UBE2S: variants seen among roughly 807,000 people sequenced by gnomAD.
UBE2S encodes ubiquitin-conjugating enzyme E2 S.
A neutral mutation model predicts 12.3 loss-of-function variants in UBE2S; 3 were observed. That is an observed-to-expected ratio of 0.24 (90% CI 0.11 to 0.63). UBE2S has a LOEUF of 0.63. Ranked by LOEUF, UBE2S falls within the 30% of genes least tolerant of loss-of-function variation. The pLI, the probability that UBE2S is intolerant of heterozygous loss-of-function variation, is 0.85. For missense variants in UBE2S, 211 were observed against 313.9 expected (o/e 0.67, Z 2.48); for synonymous variants, 133 against 142.0 (o/e 0.94, Z 0.45).
At chr19:55,402,062 C>T (rs971952918) in intron 3 of UBE2S, among the ~76,000 whole-genome samples, 12 of 152,200 alleles carry the variant, frequency 7.9e-5, no homozygotes, top group African/African-American at 2.7e-4. Flanking sequence ...GCCAAGGCCC[C>T]CTCTCAGGAG....
intron 2 of UBE2S, among the ~76,000 whole-genome samples, chr19:55,405,281 G>A (rs1449327654): frequency 3.3e-5 from 5 of 150,830 alleles, no homozygotes; most frequent in South Asian, 2.1e-4. Context: ...AGGCTGAGGC[G>A]GGCGGATCAC....
chr19:55,403,126 T>A (rs764464739), intron 3 of UBE2S: 5 of 803,010 alleles, frequency 6.2e-6, no homozygotes, highest in Non-Finnish European at 1.0e-5. Context: ...CACCCCCGAG[T>A]TGTGACAACC....
chr19:55,401,766 T>C lies in UBE2S; in HGVS notation c.343-4A>G. 1 of 1,613,030 alleles carries C rather than the reference T, an allele frequency of 6.2e-7. No individual in the cohort carries two copies. The highest frequency in any genetic ancestry group is 8.5e-7 in the Non-Finnish European group (1 of 1,179,998). ...GGATCAGCAGGCACTTGATGGTCTG[T>C]GGGAAGAGGCTCAGGGTCACAGTGG... is the stretch of plus-strand genomic sequence containing the variant. On this transcript the variant is annotated splice_region_variant and splice_polypyrimidine_tract_variant and intron_variant, in intron 3 of 3. Coordinates refer to ENST00000264552, the MANE Select transcript of UBE2S (RefSeq NM_014501.3).
intron 1 of UBE2S, among the ~76,000 whole-genome samples, chr19:55,407,237 G>C (rs2090102678): frequency 9.3e-6 from 1 of 107,468 alleles, no homozygotes; most frequent in African/African-American, 3.6e-5. Context: ...TTGGTCCCCA[G>C]TGGTTCCACG....
chr19:55,406,675 G>A, intron 2 of UBE2S, 140 bp downstream of exon 2: 1 of 993,330 alleles, frequency 1.0e-6, no homozygotes, highest in Non-Finnish European at 1.4e-6. Flanking sequence ...GTCATTTGTG[G>A]CGTCCTGCCC....
chr19:55,405,016 G>A (rs937044597), intron 2 of UBE2S, among the ~76,000 whole-genome samples: 1 of 151,324 alleles, frequency 6.6e-6, no homozygotes, highest in African/African-American at 2.4e-5. Flanking sequence ...TTCAAGACCA[G>A]CCAGACCAAC....
chr19:55,406,985 G>C, intron 1 of UBE2S, 23 bp from the exon 2 acceptor site: 1 of 1,610,902 alleles, frequency 6.2e-7, no homozygotes, highest in Non-Finnish European at 8.5e-7. Flanking sequence ...GGGAGAGCAG[G>C]GTGAGCGAGT....
rs1452269907 is a variant in UBE2S, at chr19:55,406,941, G to A, written c.25C>T (p.Pro9Ser). 1.2e-6 allele frequency: 2 copies of A among 1,613,866 alleles called. No individual in the cohort carries two copies. Among genetic ancestry groups the A allele is most frequent in the Non-Finnish European group, 1.7e-6 (2 of 1,179,860 alleles). The part of the protein sequence containing the change: MNSNVENL[P>S]PHIIRLVYKE... ...TACACCAGGCGGATGATGTGCGGGG[G>A]TAGGTTCTCCACGTTGGAGTTCTGG... Residue 9 changes from proline (P) to serine (S), a missense_variant, in exon 2 of 4, where the codon CCC becomes TCC. Pro to Ser is a moderately conservative substitution (Grantham distance 74). Coordinates refer to ENST00000264552, the MANE Select transcript of UBE2S (RefSeq NM_014501.3).
At chr19:55,405,646 C>T (rs2090092348) in intron 2 of UBE2S, among the ~76,000 whole-genome samples, 1 of 152,290 alleles carries the variant, frequency 6.6e-6, no homozygotes, top group Middle Eastern at 3.4e-3. Context: ...TCCTGGATCC[C>T]CCGTCTCAGC....
At chr19:55,401,907 C>T in intron 3 of UBE2S, 145 bp from the exon 4 acceptor site, 1 of 680,494 alleles carries the variant, frequency 1.5e-6, no homozygotes, top group Non-Finnish European at 2.1e-6. Flanking sequence ...TGCATCCTCC[C>T]TCATCTTTGC....
rs1314330398 is a variant in UBE2S at position 55,400,157 on chromosome 19, C to T, written c.*1279G>A. The stretch of plus-strand genomic sequence containing the variant: ...AGCAGCCTTTGAGTTTTCCACTCTC[C>T]TATGGGTCAGAACTTGTAGATTTTT... On this transcript the variant is annotated 3_prime_UTR_variant, in exon 4 of 4. Transcript: ENST00000264552. The T allele has an allele frequency of 6.6e-6, 1 of 152,142 alleles. No individual in the cohort carries two copies. The highest frequency in any genetic ancestry group is 2.4e-5 in the African/African-American group (1 of 41,412). The allele number at this position is 152,142 out of a possible 1,614,324, so 9.4% of individuals were successfully genotyped here.
rs1342473437 is a variant in UBE2S, at chr19:55,401,807, G to A, written c.343-45C>T. ...GTCACAGTGGGTCGGGCAACCTACAGGGACCCCCAGGCCTCCACAAGAGGG... is the reference window on the plus strand; with the variant it reads ...GTCACAGTGGGTCGGGCAACCTACAAGGACCCCCAGGCCTCCACAAGAGGG... On this transcript the variant is annotated intron_variant, in intron 3 of 3. Coordinates refer to ENST00000264552, the MANE Select transcript of UBE2S (RefSeq NM_014501.3). 2.5e-6 allele frequency: 4 copies of A among 1,603,960 alleles called. No homozygotes were observed. The South Asian group carries it at 4.4e-5, about 18-fold the overall frequency.
intron 2 of UBE2S, among the ~76,000 whole-genome samples, chr19:55,405,203 T>C: frequency 9.3e-6 from 1 of 107,952 alleles, no homozygotes; most frequent in African/African-American, 4.0e-5. Context: ...AGAGCGAAAC[T>C]CTGTTTCCAA....
rs2090084976 is a variant in UBE2S, at chr19:55,404,657, G to T, written c.152-179C>A. Among the ~76,000 whole-genome samples, 1 of 152,200 alleles carries T rather than the reference G, an allele frequency of 6.6e-6. No homozygotes were observed. Among genetic ancestry groups the T allele is most frequent in the Non-Finnish European group, 1.5e-5 (1 of 68,044 alleles). ...AAATAAGGTCTCTTGTGTCACCCAG[G>T]CTGGAGTGCAGTGGCACAATCTCAG... On this transcript the variant is annotated intron_variant, in intron 2 of 3. Coordinates refer to ENST00000264552, the MANE Select transcript of UBE2S (RefSeq NM_014501.3). This position sits in a 1 kb window ranked among gnomAD's most constrained non-coding sequence, Gnocchi z 4.4.
In UBE2S at chr19:55,403,008, C is replaced by T. The variant is rs763682635; in HGVS notation, c.343-1246G>A. ...TGGAGCACCAGCCTAGACCAGGACGCCTCCACCTCAGCAACACCGCAGCCA... is the reference window on the plus strand; with the variant it reads ...TGGAGCACCAGCCTAGACCAGGACGTCTCCACCTCAGCAACACCGCAGCCA... On this transcript the variant is annotated intron_variant, in intron 3 of 3. Coordinates refer to ENST00000264552, the MANE Select transcript of UBE2S (RefSeq NM_014501.3). 3.3e-6 allele frequency: 5 copies of T among 1,530,314 alleles called. No individual in the cohort carries two copies. In the South Asian group the frequency reaches 6.0e-5, roughly 18 times the overall value. 94.8% of individuals were successfully genotyped at this position (1,530,314 alleles called of 1,614,324 possible). A position where few individuals can be genotyped will look rare whatever the true frequency, so the allele number is the denominator to read the frequency against.
In UBE2S at chr19:55,401,044, C is replaced by T. The variant is rs2090053327; in HGVS notation, c.*392G>A. The T allele has an allele frequency of 4.3e-6, 1 of 231,184 alleles. No individual in the cohort carries two copies. Among genetic ancestry groups the T allele is most frequent in the East Asian group, 1.2e-4 (1 of 8,336 alleles). 14.3% of individuals were successfully genotyped at this position (231,184 alleles called of 1,614,324 possible). A position where few individuals can be genotyped will look rare whatever the true frequency, so the allele number is the denominator to read the frequency against. On this transcript the variant is annotated 3_prime_UTR_variant, in exon 4 of 4. Coordinates refer to ENST00000264552, the MANE Select transcript of UBE2S (RefSeq NM_014501.3). Reference sequence around the variant, plus strand: ...CCGCTCAGGCCACCAGGAGCAGCTCCAGGTCCTCGCCCCATTTTAGATTGG... The same window carrying T: ...CCGCTCAGGCCACCAGGAGCAGCTCTAGGTCCTCGCCCCATTTTAGATTGG...
At position 55,407,603 on chromosome 19, in the gene UBE2S, C is replaced by T; in HGVS notation, c.-14G>A. The T allele has an allele frequency of 7.1e-7, 1 of 1,409,870 alleles. No homozygotes were observed. Among genetic ancestry groups the T allele is most frequent in the Non-Finnish European group, 9.2e-7 (1 of 1,084,034 alleles). The allele number at this position is 1,409,870 out of a possible 1,614,324, so 87.3% of individuals were successfully genotyped here. A position where few individuals can be genotyped will look rare whatever the true frequency, so the allele number is the denominator to read the frequency against. ...CGTGCTCACCATGGCTGCGGCCGGC[C>T]GGGGGCGGGTCCCCCCGGCCCCCTT... On this transcript the variant is annotated 5_prime_UTR_variant, in exon 1 of 4. Coordinates refer to ENST00000264552, the MANE Select transcript of UBE2S (RefSeq NM_014501.3).
In UBE2S at chr19:55,401,682, G is replaced by A. The variant is rs770008444; in HGVS notation, c.423C>T (p.Tyr141=). The A allele has an allele frequency of 2.5e-5, 41 of 1,612,736 alleles. No individual in the cohort carries two copies. Among genetic ancestry groups the A allele is most frequent in the Middle Eastern group, 1.6e-4 (1 of 6,066 alleles). The change falls in exon 4 of 4, where the codon TAC becomes TAT. Residue 141 remains tyrosine, a synonymous_variant. Transcript: ENST00000264552. The part of the protein sequence containing the change: ...EEAGRLLLEN[Y]EEYAARARLL... Reference sequence around the variant, plus strand: ...GACGGGCCCGAGCCGCATACTCCTCGTAGTTCTCCAAGAGCAGGCGGCCCG... The same window carrying A: ...GACGGGCCCGAGCCGCATACTCCTCATAGTTCTCCAAGAGCAGGCGGCCCG...
chr19:55,403,620 G>C (rs560667160), intron 3 of UBE2S, among the ~76,000 whole-genome samples: 6 of 152,320 alleles, frequency 3.9e-5, no homozygotes, highest in Admixed American at 3.3e-4. Context: ...GGTAGGCGCA[G>C]TGGCTGGCTC....
Sources: gnomAD v4.1 joint callset for allele counts (sites outside exome capture counted in the v4.1 genomes callset) on GRCh38, gnomAD v4.1.1 for gene constraint, Gnocchi (gnomAD v3.1) non-coding constraint, MANE v1.5 for transcripts, NCBI Gene and HGNC (gene_info 2026-07-23, HGNC 2026-07-21) for gene names.